MAGI1: variants seen among roughly 807,000 people sequenced by gnomAD.
MAGI1 encodes membrane associated guanylate kinase, WW and PDZ domain containing 1.
A neutral mutation model predicts 139.9 loss-of-function variants in MAGI1; 58 were observed. The observed-to-expected ratio is 0.41, with a 90% confidence interval of 0.34 to 0.52. MAGI1 has a LOEUF of 0.52. Among genes scored for constraint, MAGI1 ranks in the 20% least tolerant of loss-of-function variants. MAGI1 has a pLI of 0.12. For synonymous variants in MAGI1, 812 were observed against 737.9 expected, an observed-to-expected ratio of 1.10 and a Z score of -1.63; for missense variants, 1,874 against 1,901.6, an observed-to-expected ratio of 0.99 and a Z score of 0.27.
chr3:65,678,320 T>C (rs920106230), intron 1 of MAGI1, among the ~76,000 whole-genome samples: 1 of 146,732 alleles, frequency 6.8e-6, no homozygotes, highest in Non-Finnish European at 1.5e-5. Context: ...TAAAGTATAA[T>C]GATAAAAAAA....
intron 1 of MAGI1, among the ~76,000 whole-genome samples, chr3:65,699,626 A>G (rs1361187182): frequency 1.3e-5 from 2 of 149,582 alleles, no homozygotes; most frequent in Non-Finnish European, 3.0e-5. Flanking sequence ...CTATCGCAAC[A>G]ACAAAAAACC....
chr3:65,561,190 C>T (rs1363107048), intron 2 of MAGI1, among the ~76,000 whole-genome samples: 1 of 152,156 alleles, frequency 6.6e-6, no homozygotes, highest in Non-Finnish European at 1.5e-5. Flanking sequence ...TGACAGCTAT[C>T]TTCTTTTTCT....
chr3:65,816,556 G>A (rs1272487925), intron 1 of MAGI1, among the ~76,000 whole-genome samples: 2 of 151,160 alleles, frequency 1.3e-5, no homozygotes, highest in East Asian at 1.9e-4. Context: ...AGCTCCTACT[G>A]TCCATATCAA....
Position 65,375,777 on chromosome 3 carries a change from T to C in MAGI1, c.3164A>G (p.Asn1055Ser). The change falls in exon 18 of 23, where the codon AAC becomes AGC. Residue 1055 changes from asparagine to serine, a missense_variant. By Grantham distance (46) the Asn-to-Ser change is conservative. Around this residue, in one of 5 missense-constraint regions of MAGI1, gnomAD observed 653 missense variants for 644.5 expected, o/e 1.01. Transcript: ENST00000402939. The stretch of plus-strand genomic sequence containing the variant: ...AGGAATGATGCGGAGGGTAACTGTG[T>C]TTCCCGCTTCCTTGATTAGGTTCAC... Reference protein sequence around the residue: ...DIVNLIKEAGNTVTLRIIPGD... With the variant: ...DIVNLIKEAGSTVTLRIIPGD... The C allele has an allele frequency of 6.2e-7, 1 of 1,613,976 alleles. No individual in the cohort carries two copies.
chr3:65,676,791 A>G (rs1380175002), intron 1 of MAGI1, among the ~76,000 whole-genome samples: 1 of 152,176 alleles, frequency 6.6e-6, no homozygotes, highest in African/African-American at 2.4e-5. Flanking sequence ...TGGTTACACC[A>G]TCCTTTGAAT....
intron 1 of MAGI1, among the ~76,000 whole-genome samples, chr3:65,757,752 T>A (rs1392638494): frequency 6.6e-6 from 1 of 152,240 alleles, no homozygotes; most frequent in African/African-American, 2.4e-5. Context: ...TTTAGGTTTG[T>A]CAGCCACATG....
chr3:65,733,392 AT>A (rs1190945220), intron 1 of MAGI1, among the ~76,000 whole-genome samples: 3 of 152,212 alleles, frequency 2.0e-5, no homozygotes, highest in African/African-American at 7.2e-5. Flanking sequence ...AAGCCAGAAA[AT>A]TAATTGTATG....
At chr3:65,978,557 C>A (rs1397250081) in intron 1 of MAGI1, among the ~76,000 whole-genome samples, 2 of 152,074 alleles carry the variant, frequency 1.3e-5, no homozygotes, top group Non-Finnish European at 2.9e-5. Flanking sequence ...CTAACAGTAT[C>A]CTCAGTTCCA....
chr3:65,670,564 A>G (rs990316144), intron 1 of MAGI1, among the ~76,000 whole-genome samples: 2 of 152,176 alleles, frequency 1.3e-5, no homozygotes, highest in African/African-American at 4.8e-5. Context: ...TATGGACTAC[A>G]GAAGAATTAT....
chr3:65,439,885 TCTGCTGCTGCTGCTGCTG>T lies in MAGI1; in HGVS notation c.1246_1263del (p.Gln416_Gln421del), dbSNP rs142043619. On this transcript the variant is annotated inframe_deletion, in exon 9 of 23. Coordinates refer to ENST00000402939, the MANE Select transcript of MAGI1 (RefSeq NM_001033057.2). Reference sequence around the variant, plus strand: ...CTAGAGGAAAGAGGCCAACCTTCTGTCTGCTGCTGCTGCTGCTGCTGCTGCTGCTGTTGCTGCTGCTGT... The same window carrying T: ...CTAGAGGAAAGAGGCCAACCTTCTGTCTGCTGCTGCTGTTGCTGCTGCTGT... 21 of 1,584,896 alleles carry T rather than the reference TCTGCTGCTGCTGCTGCTG, an allele frequency of 1.3e-5. No homozygotes were observed. The South Asian group carries it at 1.8e-4, about 13-fold the overall frequency.
At chr3:65,654,171 T>A (rs989956622) in intron 1 of MAGI1, among the ~76,000 whole-genome samples, 1 of 152,178 alleles carries the variant, frequency 6.6e-6, no homozygotes, top group African/African-American at 2.4e-5. Context: ...AAAGGTAACA[T>A]TAAATTGTTT....
At chr3:65,548,813 G>A (rs955945704) in intron 2 of MAGI1, among the ~76,000 whole-genome samples, 1 of 152,082 alleles carries the variant, frequency 6.6e-6, no homozygotes, top group Non-Finnish European at 1.5e-5. Flanking sequence ...GTAAGCCACC[G>A]CTCCCGGCTG....
chr3:65,714,030 G>C (rs1340271514), intron 1 of MAGI1, among the ~76,000 whole-genome samples: 4 of 152,212 alleles, frequency 2.6e-5, no homozygotes, highest in African/African-American at 9.6e-5. Context: ...ACTGCGGTCA[G>C]AGCAGGCAAT....
Position 65,950,458 on chromosome 3 carries a change from C to T in MAGI1, c.313+87538G>A, listed in dbSNP as rs534293813. Among the ~76,000 whole-genome samples, 9 of 152,152 alleles carry T rather than the reference C, an allele frequency of 5.9e-5. No homozygotes were observed. The South Asian group carries it at 1.7e-3, about 28-fold the overall frequency. On this transcript the variant is annotated intron_variant, in intron 1 of 22. Transcript: ENST00000402939. ...ACCCCGCCCTCGCTGTTGAAGGATC[C>T]TCAGAGAAAGTATGTTGAGAATCCA...
intron 1 of MAGI1, among the ~76,000 whole-genome samples, chr3:65,644,139 T>G (rs2085131248): frequency 6.6e-6 from 1 of 152,002 alleles, no homozygotes; most frequent in Non-Finnish European, 1.5e-5. Context: ...AGGTCTCATA[T>G]CTCCTTCCCC....
intron 1 of MAGI1, among the ~76,000 whole-genome samples, chr3:65,849,486 TCATCAA>T (rs1559940835): frequency 1.4e-5 from 2 of 138,624 alleles, no homozygotes; most frequent in South Asian, 2.4e-4. Flanking sequence ...TATATATATA[TCATCAA>T]ATATACATAT....
intron 1 of MAGI1, among the ~76,000 whole-genome samples, chr3:66,025,261 A>T (rs1349089295): frequency 6.6e-6 from 1 of 152,126 alleles, no homozygotes; most frequent in African/African-American, 2.4e-5. Flanking sequence ...ATGATTGGCC[A>T]GGCACAGTGG....
intron 1 of MAGI1, among the ~76,000 whole-genome samples, chr3:65,721,714 T>G (rs1385576655): frequency 6.6e-6 from 1 of 152,138 alleles, no homozygotes; most frequent in African/African-American, 2.4e-5. Context: ...AAAATACTAC[T>G]CCTCTTATTT....
chr3:65,711,892 C>A (rs1462439920), intron 1 of MAGI1, among the ~76,000 whole-genome samples: 1 of 152,198 alleles, frequency 6.6e-6, no homozygotes, highest in African/African-American at 2.4e-5. Flanking sequence ...GCAGCCTCGG[C>A]AAATTAATAC....
Sources: allele counts gnomAD v4.1 joint callset (sites outside exome capture counted in the v4.1 genomes callset), GRCh38; gene constraint gnomAD v4.1.1; regional missense constraint gnomAD v4.1.1; transcripts MANE v1.5; gene names NCBI Gene and HGNC (gene_info 2026-07-23, HGNC 2026-07-21).